Variants in FBXW11 observed in about 807,000 individuals in gnomAD.
FBXW11 encodes F-box/WD repeat-containing protein 11.
In FBXW11, 19 loss-of-function variants were observed where a neutral mutation model predicts 77.6. The observed-to-expected ratio is 0.24, with a 90% CI of 0.17 to 0.36. The LOEUF (loss-of-function observed/expected upper bound fraction) is 0.36, where lower values mean the gene tolerates loss of function less well. Among genes scored for constraint, FBXW11 ranks in the 10% least tolerant of loss-of-function variants. The pLI is 1.00. For missense variants in FBXW11, 334 were observed against 704.2 expected (o/e 0.47, Z 5.95); for synonymous variants, 235 against 249.4 (o/e 0.94, Z 0.54).
chr5:171,864,353 CTAAG>C (rs1468838316), intron 13 of FBXW11, among the ~76,000 whole-genome samples: 2 of 152,156 alleles, frequency 1.3e-5, no homozygotes, highest in African/African-American at 4.8e-5. Context: ...CTCAGAAAGG[CTAAG>C]TGTTTGGTTC....
At chr5:171,974,044 G>T (rs1027455271) in intron 1 of FBXW11, among the ~76,000 whole-genome samples, 4 of 152,126 alleles carry the variant, frequency 2.6e-5, no homozygotes, top group Non-Finnish European at 2.9e-5. Context: ...GGAGATTAGA[G>T]CAATGTTTCC....
intron 1 of FBXW11, among the ~76,000 whole-genome samples, chr5:171,961,180 A>G (rs1261926698): frequency 6.6e-6 from 1 of 152,216 alleles, no homozygotes; most frequent in Admixed American, 6.5e-5. Flanking sequence ...GGTCTGAGGC[A>G]AGAGTACTCT....
chr5:171,951,274 C>T (rs1256068410), intron 2 of FBXW11, among the ~76,000 whole-genome samples: 2 of 152,058 alleles, frequency 1.3e-5, no homozygotes, highest in Admixed American at 6.6e-5. Flanking sequence ...GTGGCTCACA[C>T]CTGTAATCCC....
chr5:171,881,864 A>G (rs1240970853), intron 7 of FBXW11, among the ~76,000 whole-genome samples: 1 of 152,190 alleles, frequency 6.6e-6, no homozygotes, highest in Non-Finnish European at 1.5e-5. Flanking sequence ...GTAAACAGGG[A>G]GTTGATCATA....
chr5:171,958,536 T>C (rs1325829109), intron 1 of FBXW11, among the ~76,000 whole-genome samples: 1 of 152,228 alleles, frequency 6.6e-6, no homozygotes, highest in Non-Finnish European at 1.5e-5. Context: ...TTAGACTTTG[T>C]TTACAAAGTC....
chr5:171,875,238 C>G (rs1452901963), intron 9 of FBXW11, among the ~76,000 whole-genome samples: 1 of 144,540 alleles, frequency 6.9e-6, no homozygotes, highest in Admixed American at 6.9e-5. Context: ...AGCAAGACCC[C>G]ATCTGTACTT....
intron 2 of FBXW11, among the ~76,000 whole-genome samples, chr5:171,932,954 CAAAAAA>C (rs59324690): frequency 8.0e-5 from 4 of 50,250 alleles, no homozygotes; most frequent in Non-Finnish European, 1.2e-4. Flanking sequence ...CTGCCTCTAC[CAAAAAA>C]AAAAAAAAAA....
At chr5:171,998,815 AAG>A (rs1766231474) in intron 1 of FBXW11, among the ~76,000 whole-genome samples, 1 of 151,696 alleles carries the variant, frequency 6.6e-6, no homozygotes, top group South Asian at 2.1e-4. Context: ...AAAAAAAAAA[AAG>A]ACTGTGGCAA....
chr5:171,906,372 C>T (rs1268778867), intron 4 of FBXW11, among the ~76,000 whole-genome samples: 3 of 152,174 alleles, frequency 2.0e-5, no homozygotes, highest in Admixed American at 2.0e-4. Flanking sequence ...AGGTTTCAGA[C>T]AGAAATGAAG....
At chr5:171,987,335 C>G (rs1254586759) in intron 1 of FBXW11, among the ~76,000 whole-genome samples, 1 of 152,228 alleles carries the variant, frequency 6.6e-6, no homozygotes, top group Non-Finnish European at 1.5e-5. Flanking sequence ...ACACCACTGT[C>G]TGCAAACCGT....
Position 171,878,139 on chromosome 5 carries a change from C to T in FBXW11, c.853-10G>A, listed in dbSNP as rs796182403. 3 of 1,560,828 alleles carry T rather than the reference C, an allele frequency of 1.9e-6. No homozygotes were observed. The highest frequency in any genetic ancestry group is 2.7e-5 in the African/African-American group (2 of 73,722). On this transcript the variant is annotated splice_polypyrimidine_tract_variant and intron_variant, in intron 7 of 13. Transcript: ENST00000517395. ...TGGTTTTATCCCATATCTATTGAGA[C>T]AAGATTAGCCACAAACGATGATTAA... is the stretch of plus-strand genomic sequence containing the variant.
chr5:171,995,613 G>A (rs1030117060), intron 1 of FBXW11, among the ~76,000 whole-genome samples: 2 of 152,034 alleles, frequency 1.3e-5, no homozygotes, highest in African/African-American at 4.8e-5. Flanking sequence ...AATTAGCTGG[G>A]CGTGGTGGTG....
intron 1 of FBXW11, among the ~76,000 whole-genome samples, chr5:171,969,826 C>T (rs752871847): frequency 5.9e-5 from 9 of 152,076 alleles, no homozygotes; most frequent in Non-Finnish European, 1.2e-4. Flanking sequence ...CTCAGCCTCC[C>T]GAGTAGAGCT....
At chr5:171,885,985 ACTATT>A (rs1210427537) in intron 7 of FBXW11, among the ~76,000 whole-genome samples, 1 of 152,250 alleles carries the variant, frequency 6.6e-6, no homozygotes, top group African/African-American at 2.4e-5. Flanking sequence ...CTTCTGCTCT[ACTATT>A]CTATGTCTTA....
chr5:171,943,642 G>C (rs1173636302), intron 2 of FBXW11, among the ~76,000 whole-genome samples: 1 of 152,008 alleles, frequency 6.6e-6, no homozygotes, highest in Admixed American at 6.6e-5. Context: ...GTAAAGACAG[G>C]GTTTCACCAA....
chr5:171,919,302 A>C (rs1480162848), intron 2 of FBXW11, among the ~76,000 whole-genome samples: 1 of 152,212 alleles, frequency 6.6e-6, no homozygotes, highest in Non-Finnish European at 1.5e-5. Flanking sequence ...ATTCTGATCT[A>C]TCTCTGCTCA....
intron 1 of FBXW11, among the ~76,000 whole-genome samples, chr5:171,965,960 A>G (rs1365803458): frequency 6.6e-6 from 1 of 152,118 alleles, no homozygotes; most frequent in Non-Finnish European, 1.5e-5. Flanking sequence ...TTGTTTGAAC[A>G]TGTGTGGAAC....
At chr5:171,920,416 T>TAAAAAA (rs34512244) in intron 2 of FBXW11, among the ~76,000 whole-genome samples, 1 of 130,700 alleles carries the variant, frequency 7.7e-6, no homozygotes, top group South Asian at 2.5e-4. Flanking sequence ...CACCGCTATT[T>TAAAAAA]AAAAAAAAAA....
chr5:171,975,060 C>T (rs1764752765), intron 1 of FBXW11, among the ~76,000 whole-genome samples: 3 of 152,196 alleles, frequency 2.0e-5, no homozygotes, highest in Admixed American at 1.3e-4. Flanking sequence ...TCCCAAAGTG[C>T]TGGGATTACA....
Sources: allele counts gnomAD v4.1 joint callset (sites outside exome capture counted in the v4.1 genomes callset), GRCh38; gene constraint gnomAD v4.1.1; transcripts MANE v1.5; gene names NCBI Gene and HGNC (gene_info 2026-07-23, HGNC 2026-07-21).